Variants in WASF2 observed in about 807,000 individuals in gnomAD.
The protein encoded by WASF2 is actin-binding protein WASF2.
A neutral mutation model predicts 45.0 loss-of-function variants in WASF2; 14 were observed. The observed-to-expected ratio is 0.31, with a 90% CI of 0.21 to 0.49. WASF2 has a LOEUF of 0.49. Ranked by LOEUF, WASF2 falls within the 20% of genes least tolerant of loss-of-function variation. WASF2 has a pLI of 0.99. For synonymous variants in WASF2, 200 were observed against 236.3 expected (o/e 0.85, Z 1.41); for missense variants, 439 against 636.1 (o/e 0.69, Z 3.33).
chr1:27,430,989 C>A (rs956874064), intron 1 of WASF2, among the ~76,000 whole-genome samples: 1 of 152,114 alleles, frequency 6.6e-6, no homozygotes, highest in African/African-American at 2.4e-5. Context: ...TAGAACCCTT[C>A]GGAACAGACT....
chr1:27,409,076 A>G (rs2016718666), intron 8 of WASF2, among the ~76,000 whole-genome samples: 1 of 152,102 alleles, frequency 6.6e-6, no homozygotes, highest in African/African-American at 2.4e-5. Context: ...AAAAAAATGC[A>G]TGCAAACACA....
chr1:27,468,629 G>A lies in WASF2; in HGVS notation c.-44+21357C>T, dbSNP rs189566570. 3.3e-3 allele frequency among the ~76,000 whole-genome samples: 501 copies of A among 150,058 alleles called. 1 individual carries two copies. The highest frequency in any genetic ancestry group is 0.011 in the African/African-American group (455 of 40,898). On this transcript the variant is annotated intron_variant, in intron 1 of 8. Coordinates refer to ENST00000618852, the MANE Select transcript of WASF2 (RefSeq NM_006990.5). ...GCACTCCAGCCTGGGCGACAAGAGC[G>A]AAACTCCGTCTCCGGGGAAAAAAAA...
rs564322435 is a variant in WASF2, at chr1:27,455,551, A to G, written c.-43-26618T>C. Among the ~76,000 whole-genome samples, 3 of 152,300 alleles carry G rather than the reference A, an allele frequency of 2.0e-5. No individual in the cohort carries two copies. The East Asian group carries it at 5.8e-4, about 29-fold the overall frequency. On this transcript the variant is annotated intron_variant, in intron 1 of 8. Coordinates refer to ENST00000618852, the MANE Select transcript of WASF2 (RefSeq NM_006990.5). ...TATTTAAGGCCCTTCACTAACTGACACGAACATACTTGTTTAGCCTCATCT... is the reference window on the plus strand; with the variant it reads ...TATTTAAGGCCCTTCACTAACTGACGCGAACATACTTGTTTAGCCTCATCT...
intron 1 of WASF2, among the ~76,000 whole-genome samples, chr1:27,481,623 G>A (rs373192902): frequency 3.2e-4 from 49 of 152,082 alleles, no homozygotes; most frequent in African/African-American, 6.3e-4. Flanking sequence ...AGAATGGCTT[G>A]AGCCTGGGGT....
Position 27,408,332 on chromosome 1 carries a change from T to C in WASF2, c.1354A>G (p.Arg452Gly). 2 of 1,614,162 alleles carry C rather than the reference T, an allele frequency of 1.2e-6. No individual in the cohort carries two copies. Among genetic ancestry groups the C allele is most frequent in the Non-Finnish European group, 1.7e-6 (2 of 1,180,026 alleles). Residue 452 changes from arginine to glycine, a missense_variant, in exon 9 of 9, where the codon AGG becomes GGG. Around this residue, in one of 5 missense-constraint regions of WASF2, gnomAD observed 286 missense variants for 373.5 expected, o/e 0.77. Coordinates refer to ENST00000618852, the MANE Select transcript of WASF2 (RefSeq NM_006990.5). ...TCTTGTTCCCGCTGCTCCTCAACCC[T>C]GCGCAGCTGAAAACCTAGTGGCAAA... ...SAIRQGFQLR[R>G]VEEQREQEKR...
At position 27,406,891 on chromosome 1, in the gene WASF2, A is replaced by C. The variant is rs1298789623; in HGVS notation, c.*1298T>G. The C allele has an allele frequency of 6.6e-6, 1 of 152,236 alleles. No homozygotes were observed. The highest frequency in any genetic ancestry group is 1.9e-4 in the East Asian group (1 of 5,198). The allele number at this position is 152,236 out of a possible 1,614,324, so 9.4% of individuals were successfully genotyped here. A position where few individuals can be genotyped will look rare whatever the true frequency, so the allele number is the denominator to read the frequency against. ...TCCACAGTTGGCAGAATCTTTGTTT[A>C]AATTGGGGAAATAAAAGGGGGAGGA... On this transcript the variant is annotated 3_prime_UTR_variant, in exon 9 of 9. Transcript: ENST00000618852.
intron 1 of WASF2, 84 bp downstream of exon 1, chr1:27,489,902 G>C (rs1014608511): frequency 6.6e-6 from 1 of 152,172 alleles, no homozygotes. Flanking sequence ...CCAGTCCCCC[G>C]AGACCCTGCA....
rs139285843 is a variant in WASF2 at position 27,407,851 on chromosome 1, G to A, written c.*338C>T. 1.6e-3 allele frequency: 355 copies of A among 217,966 alleles called. 2 individuals carry two copies. The highest frequency in any genetic ancestry group is 7.9e-3 in the African/African-American group (342 of 43,474). The allele number at this position is 217,966 out of a possible 1,614,324, so 13.5% of individuals were successfully genotyped here. On this transcript the variant is annotated 3_prime_UTR_variant, in exon 9 of 9. Transcript: ENST00000618852. ...TTTTAGAAGGCTGTAGTTGAATATG[G>A]CTCCTAAGGGAAGCCCCATCTCCAA...
In WASF2 at chr1:27,408,164, G is replaced by C. The variant is rs1431541017; in HGVS notation, c.*25C>G. The C allele has an allele frequency of 3.1e-6, 5 of 1,602,216 alleles. No homozygotes were observed. Among genetic ancestry groups the C allele is most frequent in the Admixed American group, 1.7e-5 (1 of 59,472 alleles). On this transcript the variant is annotated 3_prime_UTR_variant, in exon 9 of 9. Coordinates refer to ENST00000618852, the MANE Select transcript of WASF2 (RefSeq NM_006990.5). ...AAGGCAGGTAGGAAGGAAAGAAAAA[G>C]AAGGTGGGCAGCAGGCAGAAAGAGT...
chr1:27,454,179 ATATATATATTT>A (rs1200348231), intron 1 of WASF2, among the ~76,000 whole-genome samples: 108 of 10,262 alleles, frequency 0.011, no homozygotes, highest in African/African-American at 0.025. Context: ...ATATATATAT[ATATATATATTT>A]TTTTTTTTTT....
chr1:27,421,898 C>T (rs1026720715), intron 2 of WASF2, among the ~76,000 whole-genome samples: 2 of 151,976 alleles, frequency 1.3e-5, no homozygotes, highest in Non-Finnish European at 2.9e-5. Flanking sequence ...ATCACTTGAA[C>T]TTGGGAGGCA....
chr1:27,464,329 T>C (rs796659525), intron 1 of WASF2, among the ~76,000 whole-genome samples: 1 of 151,832 alleles, frequency 6.6e-6, no homozygotes, highest in Non-Finnish European at 1.5e-5. Context: ...TAGGTTACAG[T>C]GAGCCAAGAT....
Position 27,408,008 on chromosome 1 carries a change from G to A in WASF2, c.*181C>T. Reference sequence around the variant, plus strand: ...CCCACAGGGCCTGAAAATGGGGAGAGGAAATACATGTTGACTTGGAGGAAG... The same window carrying A: ...CCCACAGGGCCTGAAAATGGGGAGAAGAAATACATGTTGACTTGGAGGAAG... On this transcript the variant is annotated 3_prime_UTR_variant, in exon 9 of 9. Transcript: ENST00000618852. The A allele has an allele frequency of 1.5e-6, 1 of 649,038 alleles. No individual in the cohort carries two copies. Among genetic ancestry groups the A allele is most frequent in the South Asian group, 2.6e-5 (1 of 38,982 alleles). The allele number at this position is 649,038 out of a possible 1,614,324, so 40.2% of individuals were successfully genotyped here. A position where few individuals can be genotyped will look rare whatever the true frequency, so the allele number is the denominator to read the frequency against.
intron 1 of WASF2, among the ~76,000 whole-genome samples, chr1:27,454,177 ATATATATATATTTTTTT>A (rs1338441015): frequency 0.095 from 1,868 of 19,754 alleles, 60 homozygotes; most frequent in African/African-American, 0.24. Context: ...ATATATATAT[ATATATATATATTTTTTT>A]TTTTTTTTTT....
intron 2 of WASF2, among the ~76,000 whole-genome samples, chr1:27,421,239 C>A (rs1430216567): frequency 6.6e-6 from 1 of 152,178 alleles, no homozygotes; most frequent in Non-Finnish European, 1.5e-5. Context: ...TTTATTTGAT[C>A]CCTGTTCTAA....
intron 1 of WASF2, among the ~76,000 whole-genome samples, chr1:27,442,887 G>A (rs995578332): frequency 6.7e-6 from 1 of 149,702 alleles, no homozygotes; most frequent in Admixed American, 6.7e-5. Flanking sequence ...TGTAAAACCA[G>A]CTACTCAGGA....
Position 27,409,826 on chromosome 1 carries a change from G to T in WASF2, c.1205C>A (p.Pro402His). Residue 402 changes from proline to histidine, a missense_variant, in exon 8 of 9, where the codon CCC becomes CAC. By Grantham distance (77) the Pro-to-His change is moderately conservative (BLOSUM62 -2). Transcript: ENST00000618852. ...PPPPPPPPPG[P>H]PPPPFTGADG... Reference sequence around the variant, plus strand: ...TGCACCAGTGAAAGGGGGAGGAGGGGGCCCCGGAGGAGGAGGAGGAGGGGG... The same window carrying T: ...TGCACCAGTGAAAGGGGGAGGAGGGTGCCCCGGAGGAGGAGGAGGAGGGGG... The T allele has an allele frequency of 1.3e-6, 2 of 1,556,010 alleles. No homozygotes were observed. The highest frequency in any genetic ancestry group is 3.5e-4 in the Middle Eastern group (2 of 5,776).
chr1:27,456,352 GTTCT>G (rs374279754), intron 1 of WASF2, among the ~76,000 whole-genome samples: 181 of 148,388 alleles, frequency 1.2e-3, no homozygotes, highest in African/African-American at 4.3e-3. Context: ...CAATGGAAAG[GTTCT>G]TTCTGACTCT....
intron 1 of WASF2, among the ~76,000 whole-genome samples, chr1:27,454,667 T>C (rs947902574): frequency 1.3e-5 from 2 of 152,178 alleles, no homozygotes; most frequent in African/African-American, 4.8e-5. Flanking sequence ...AGAGACAGTG[T>C]CTCACTATAT....
Sources: allele counts gnomAD v4.1 joint callset (sites outside exome capture counted in the v4.1 genomes callset), GRCh38; gene constraint gnomAD v4.1.1; regional missense constraint gnomAD v4.1.1; transcripts MANE v1.5; gene names NCBI Gene and HGNC (gene_info 2026-07-23, HGNC 2026-07-21).